Variants in SCRG1 observed in about 807,000 individuals in gnomAD.
SCRG1 encodes the protein scrapie-responsive protein 1.
Under a neutral mutation model 7.7 loss-of-function variants are expected in SCRG1, and 3 were observed. The observed-to-expected ratio is 0.39, with a 90% CI of 0.18 to 1.01. The LOEUF (loss-of-function observed/expected upper bound fraction) is 1.01. SCRG1 is among the 50% of genes least tolerant of loss of function. The pLI is 0.36. For synonymous variants in SCRG1, 46 were observed against 41.2 expected, an observed-to-expected ratio of 1.12 and a Z score of -0.44; for missense variants, 110 against 117.2, an observed-to-expected ratio of 0.94 and a Z score of 0.28.
chr4:173,456,678 G>T, the SCRG1 span, among the ~76,000 whole-genome samples: 7 of 152,206 alleles, frequency 4.6e-5, no homozygotes, highest in African/African-American at 1.4e-4. Context: ...GCACTGGTAA[G>T]GCAAATCTAT....
chr4:173,484,610 T>C, the SCRG1 span, among the ~76,000 whole-genome samples: 4 of 96,146 alleles, frequency 4.2e-5, no homozygotes, highest in African/African-American at 1.7e-4. Flanking sequence ...ATGTAGTATA[T>C]ATTATATGCA....
At chr4:173,435,187 C>T in the SCRG1 span, among the ~76,000 whole-genome samples, 8 of 151,854 alleles carry the variant, frequency 5.3e-5, no homozygotes, top group African/African-American at 1.9e-4. Flanking sequence ...TCCCCTCCAC[C>T]ACCACTTAAA....
intron 1 of SCRG1, 54 bp from the exon 2 acceptor site, chr4:173,391,482 T>C: frequency 6.4e-7 from 1 of 1,570,784 alleles, no homozygotes. Context: ...AAAGATAGAA[T>C]TCATCTGAAT....
chr4:173,451,420 A>G, the SCRG1 span, among the ~76,000 whole-genome samples: 1 of 151,820 alleles, frequency 6.6e-6, no homozygotes, highest in African/African-American at 2.4e-5. Context: ...AGCTGCCTGA[A>G]TTTTATTCCT....
the SCRG1 span, among the ~76,000 whole-genome samples, chr4:173,455,304 T>C: frequency 6.6e-6 from 1 of 152,202 alleles, no homozygotes; most frequent in Admixed American, 6.5e-5. Flanking sequence ...CACATACTCA[T>C]AAACACATTA....
At chr4:173,488,080 A>G in the SCRG1 span, among the ~76,000 whole-genome samples, 1 of 150,560 alleles carries the variant, frequency 6.6e-6, no homozygotes, top group South Asian at 2.1e-4. Flanking sequence ...AGCTTGGGCT[A>G]TAGAGTGAGA....
the SCRG1 span, among the ~76,000 whole-genome samples, chr4:173,478,404 A>G: frequency 1.3e-5 from 2 of 152,116 alleles, no homozygotes; most frequent in African/African-American, 2.4e-5. Context: ...AAAAAAAACC[A>G]GTCCTGGTCT....
chr4:173,449,814 G>A, the SCRG1 span, among the ~76,000 whole-genome samples: 1 of 152,166 alleles, frequency 6.6e-6, no homozygotes, highest in Non-Finnish European at 1.5e-5. Context: ...CATCTTAGGT[G>A]CTGAGATAAT....
intron 1 of SCRG1, among the ~76,000 whole-genome samples, chr4:173,404,851 T>C (rs918120632): frequency 6.6e-6 from 1 of 152,222 alleles, no homozygotes; most frequent in African/African-American, 2.4e-5. Flanking sequence ...TCTATGAGTA[T>C]ATGATTCTAA....
At chr4:173,400,078 T>C (rs1344959957), upstream of SCRG1, among the ~76,000 whole-genome samples, 2 of 152,066 alleles carry the variant, frequency 1.3e-5, no homozygotes, top group Non-Finnish European at 1.5e-5. Context: ...TGAAGATGAA[T>C]GGAAAGATGA....
At chr4:173,497,926 C>A in the SCRG1 span, among the ~76,000 whole-genome samples, 192 of 152,174 alleles carry the variant, frequency 1.3e-3, no homozygotes, top group African/African-American at 4.5e-3. Context: ...GTGATCCACC[C>A]GCCTCGGCCT....
At chr4:173,485,076 TTATATAA>T in the SCRG1 span, among the ~76,000 whole-genome samples, 2 of 5,266 alleles carry the variant, frequency 3.8e-4, no homozygotes, top group African/African-American at 1.0e-3. Flanking sequence ...ATATTATATA[TTATATAA>T]TATATTATAT....
At chr4:173,485,120 A>ATAATATATCATATATATTACATATAATG in the SCRG1 span, among the ~76,000 whole-genome samples, 2 of 20,492 alleles carry the variant, frequency 9.8e-5, no homozygotes, top group African/African-American at 2.2e-4. Context: ...TATATAATAT[A>ATAATATATCATATATATTACATATAATG]TAATATATCA....
upstream of SCRG1, among the ~76,000 whole-genome samples, chr4:173,402,473 CAAAATTGA>C (rs1275523008): frequency 6.7e-6 from 1 of 149,214 alleles, no homozygotes; most frequent in African/African-American, 2.5e-5. Flanking sequence ...AAAAACCTCC[CAAAATTGA>C]AAAATTGAGA....
At chr4:173,416,206 C>G in the SCRG1 span, among the ~76,000 whole-genome samples, 1 of 152,238 alleles carries the variant, frequency 6.6e-6, no homozygotes, top group Non-Finnish European at 1.5e-5. Flanking sequence ...TTATCCTGCT[C>G]AAAGCCTCTT....
the SCRG1 span, among the ~76,000 whole-genome samples, chr4:173,448,314 T>C: frequency 9.2e-5 from 14 of 152,350 alleles, no homozygotes; most frequent in African/African-American, 3.4e-4. Flanking sequence ...ATCTTTGTGC[T>C]ACAGACAAAC....
chr4:173,439,274 C>A, the SCRG1 span, among the ~76,000 whole-genome samples: 1 of 152,132 alleles, frequency 6.6e-6, no homozygotes, highest in Non-Finnish European at 1.5e-5. Context: ...GGCCTATAAT[C>A]CCAGCACTTT....
At chr4:173,473,812 G>A in the SCRG1 span, among the ~76,000 whole-genome samples, 1 of 152,206 alleles carries the variant, frequency 6.6e-6, no homozygotes, top group African/African-American at 2.4e-5. Flanking sequence ...GCGGTTATAT[G>A]ACACAGTGGC....
upstream of SCRG1, among the ~76,000 whole-genome samples, chr4:173,409,729 C>T (rs1416754052): frequency 3.3e-5 from 5 of 151,872 alleles, no homozygotes; most frequent in Non-Finnish European, 7.4e-5. Context: ...CCTGCGATTA[C>T]AGTCACACAC....
Sources: gnomAD v4.1 joint callset for allele counts (sites outside exome capture counted in the v4.1 genomes callset) on GRCh38, gnomAD v4.1.1 for gene constraint, MANE v1.5 for transcripts, NCBI Gene and HGNC (gene_info 2026-07-23, HGNC 2026-07-21) for gene names.